MYO18A: variants seen among roughly 807,000 people sequenced by gnomAD.
MYO18A encodes the protein myosin XVIIIA.
Under a neutral mutation model 235.8 loss-of-function variants are expected in MYO18A, and 78 were observed. The ratio of observed to expected loss-of-function variants is 0.33; its 90% confidence interval spans 0.28 to 0.40. The LOEUF (loss-of-function observed/expected upper bound fraction) is 0.40. Ranked by LOEUF, MYO18A falls within the 10% of genes least tolerant of loss-of-function variation. MYO18A has a pLI of 1.00. For missense variants in MYO18A, 2,215 were observed against 2,699.3 expected (o/e 0.82, Z 3.98); for synonymous variants, 977 against 1,077.8 (o/e 0.91, Z 1.83).
chr17:29,094,180 C>G, intron 30 of MYO18A, 90 bp from the exon 31 acceptor site: 1 of 889,756 alleles, frequency 1.1e-6, no homozygotes, highest in Non-Finnish European at 1.8e-6. Flanking sequence ...GGCTCAGGGG[C>G]CGAGAACGTC....
At chr17:29,168,506 TCA>T (rs1427669979) in intron 1 of MYO18A, among the ~76,000 whole-genome samples, 2 of 151,736 alleles carry the variant, frequency 1.3e-5, no homozygotes, top group Non-Finnish European at 3.0e-5. Flanking sequence ...CCTCTGAGTT[TCA>T]CACAGAGGAT....
chr17:29,097,644 T>G, intron 26 of MYO18A, 144 bp downstream of exon 26: 1 of 740,470 alleles, frequency 1.4e-6, no homozygotes, highest in Middle Eastern at 2.8e-4. Flanking sequence ...CTGCATTTAT[T>G]GGCACCTCTG....
In MYO18A at chr17:29,140,888, C is replaced by G. The variant is rs1020052914; in HGVS notation, c.1000-18635G>C. Among the ~76,000 whole-genome samples, 1 of 152,204 alleles carries G rather than the reference C, an allele frequency of 6.6e-6. No homozygotes were observed. Among genetic ancestry groups the G allele is most frequent in the Non-Finnish European group, 1.5e-5 (1 of 68,038 alleles). ...CACCCAAATCATAGGCCTACCCTAG[C>G]CATCTAATTACTGCGGCAGAGGCCA... On this transcript the variant is annotated intron_variant, in intron 2 of 41. Transcript: ENST00000527372. This position sits in a 1 kb window ranked among gnomAD's most constrained non-coding sequence, Gnocchi z 4.2.
chr17:29,098,110 G>T lies in MYO18A; in HGVS notation c.3985C>A (p.Leu1329Met). The change falls in exon 25 of 42, where the codon CTG becomes ATG. Residue 1329 changes from leucine to methionine, a missense_variant. By Grantham distance (15) the Leu-to-Met change is conservative (BLOSUM62 2). Transcript: ENST00000527372. Reference sequence around the variant, plus strand: ...CACCCAGGCCCTGCCCTCACCTGCAGTTCCTTCATCTCCTTCTCAGCCCGG... The same window carrying T: ...CACCCAGGCCCTGCCCTCACCTGCATTTCCTTCATCTCCTTCTCAGCCCGG... ...RLRAEKEMKE[L>M]QTQYDALKKQ... 6.2e-7 allele frequency: 1 copy of T among 1,613,208 alleles called. No homozygotes were observed.
At chr17:29,084,999 T>C (rs1387850903) in intron 40 of MYO18A, among the ~76,000 whole-genome samples, 1 of 152,134 alleles carries the variant, frequency 6.6e-6, no homozygotes, top group East Asian at 1.9e-4. Flanking sequence ...CTGCCCACGG[T>C]ACCGCAGGGA....
intron 2 of MYO18A, among the ~76,000 whole-genome samples, chr17:29,149,790 G>C (rs2067930422): frequency 6.6e-6 from 1 of 152,184 alleles, no homozygotes; most frequent in South Asian, 2.1e-4. Context: ...CCAAAGCCAT[G>C]AGCCAGCCTT....
chr17:29,132,293 C>G (rs1368465969), intron 2 of MYO18A, among the ~76,000 whole-genome samples: 1 of 152,224 alleles, frequency 6.6e-6, no homozygotes, highest in Non-Finnish European at 1.5e-5. Flanking sequence ...TCTTTCAGTT[C>G]AGAAACTGGC....
chr17:29,091,930 C>A, intron 34 of MYO18A: 1 of 326,636 alleles, frequency 3.1e-6, no homozygotes, highest in Non-Finnish European at 6.0e-6. Flanking sequence ...AATTAGCTGC[C>A]GCTTGGGCTT....
intron 1 of MYO18A, among the ~76,000 whole-genome samples, chr17:29,168,920 A>T (rs747803081): frequency 6.6e-6 from 1 of 152,170 alleles, no homozygotes; most frequent in Non-Finnish European, 1.5e-5. Context: ...CTATAATCCC[A>T]GCACTTCGGG....
At chr17:29,099,115 C>T in intron 22 of MYO18A, 146 bp from the exon 23 acceptor site, 1 of 1,061,630 alleles carries the variant, frequency 9.4e-7, no homozygotes, top group Non-Finnish European at 1.4e-6. Context: ...TCATGCTCCC[C>T]CTTGCCCCAG....
Position 29,120,933 on chromosome 17 carries a change from G to T in MYO18A, c.1585+65C>A. 1 of 1,567,006 alleles carries T rather than the reference G, an allele frequency of 6.4e-7. No individual in the cohort carries two copies. The highest frequency in any genetic ancestry group is 8.7e-7 in the Non-Finnish European group (1 of 1,152,788). On this transcript the variant is annotated intron_variant, in intron 6 of 41. Coordinates refer to ENST00000527372, the MANE Select transcript of MYO18A (RefSeq NM_078471.4). This position sits in a 1 kb window ranked among gnomAD's most constrained non-coding sequence, Gnocchi z 4.2. ...GAGAAAAAGAGCTGGCACTTAAGAGGGTGCTCTCTCCTCACTCCCCTCCCC... is the reference window on the plus strand; with the variant it reads ...GAGAAAAAGAGCTGGCACTTAAGAGTGTGCTCTCTCCTCACTCCCCTCCCC...
chr17:29,081,061 G>C, intron 41 of MYO18A: 2 of 918,364 alleles, frequency 2.2e-6, no homozygotes, highest in Non-Finnish European at 2.6e-6. Context: ...GCAGCAGGGA[G>C]AGAGGGAGGT....
chr17:29,088,275 C>T (rs993662162), intron 37 of MYO18A, among the ~76,000 whole-genome samples: 11 of 151,638 alleles, frequency 7.3e-5, no homozygotes, highest in Admixed American at 4.6e-4. Flanking sequence ...AGGATGGTCT[C>T]GATCTCCTGA....
At chr17:29,092,611 G>A (rs755957723) in intron 33 of MYO18A, among the ~76,000 whole-genome samples, 155 bp from the exon 34 acceptor site, 3 of 152,124 alleles carry the variant, frequency 2.0e-5, no homozygotes, top group Admixed American at 1.3e-4. Flanking sequence ...GCACGCGTGG[G>A]GATCTCCTCC....
rs781040558 is a variant in MYO18A at position 29,074,955 on chromosome 17, C to G, written c.6021-41G>C. The G allele has an allele frequency of 4.3e-6, 7 of 1,609,826 alleles. No homozygotes were observed. The South Asian group carries it at 7.7e-5, about 18-fold the overall frequency. On this transcript the variant is annotated intron_variant, in intron 41 of 41. Transcript: ENST00000527372. The surrounding 1 kb of genome is among the most constrained non-coding windows in gnomAD (Gnocchi z 4.4). ...AATAAGGTTAGGGACAAATGACACT[C>G]CTACCATTAAGCACGCACGCCTTTG...
Position 29,140,339 on chromosome 17 carries a change from C to G in MYO18A, c.1000-18086G>C, listed in dbSNP as rs2067706652. 7.9e-7 allele frequency: 1 copy of G among 1,270,764 alleles called. No homozygotes were observed. Among genetic ancestry groups the G allele is most frequent in the South Asian group, 1.3e-5 (1 of 78,786 alleles). The allele number at this position is 1,270,764 out of a possible 1,614,324, so 78.7% of individuals were successfully genotyped here. ...GGGTGGGGGGTCAGAGGGACACTCA[C>G]CCGCATGGCCTGGCCTGGAGCAGCC... On this transcript the variant is annotated intron_variant, in intron 2 of 41. Coordinates refer to ENST00000527372, the MANE Select transcript of MYO18A (RefSeq NM_078471.4). The surrounding 1 kb of genome is among the most constrained non-coding windows in gnomAD (Gnocchi z 4.2).
Position 29,159,120 on chromosome 17 carries a change from C to T in MYO18A, c.999+6822G>A, listed in dbSNP as rs550826153. 7.9e-5 allele frequency among the ~76,000 whole-genome samples: 12 copies of T among 152,220 alleles called. No individual in the cohort carries two copies. In the South Asian group the frequency reaches 1.7e-3, roughly 21 times the overall value. ...CCACCACCCACAGGCTGGATGGCCA[C>T]GGTACTCCAGGGCTGCAATTCATCG... On this transcript the variant is annotated intron_variant, in intron 2 of 41. Transcript: ENST00000527372.
chr17:29,174,794 G>A (rs576523615), intron 1 of MYO18A, among the ~76,000 whole-genome samples: 10 of 152,126 alleles, frequency 6.6e-5, no homozygotes, highest in Admixed American at 3.9e-4. Flanking sequence ...CAGCCTGCGC[G>A]AAAGGGCGAG....
chr17:29,140,355 T>C lies in MYO18A; in HGVS notation c.1000-18102A>G, dbSNP rs1360990955. Reference sequence around the variant, plus strand: ...GGACACTCACCCGCATGGCCTGGCCTGGAGCAGCCCAGAGCAAGGAGACTC... The same window carrying C: ...GGACACTCACCCGCATGGCCTGGCCCGGAGCAGCCCAGAGCAAGGAGACTC... On this transcript the variant is annotated intron_variant, in intron 2 of 41. Transcript: ENST00000527372. This position sits in a 1 kb window ranked among gnomAD's most constrained non-coding sequence, Gnocchi z 4.2. 4.7e-6 allele frequency: 6 copies of C among 1,281,530 alleles called. No individual in the cohort carries two copies. The highest frequency in any genetic ancestry group is 6.1e-6 in the Non-Finnish European group (6 of 985,256). 79.4% of individuals were successfully genotyped at this position (1,281,530 alleles called of 1,614,324 possible).
Sources: allele counts gnomAD v4.1 joint callset (sites outside exome capture counted in the v4.1 genomes callset), GRCh38; gene constraint gnomAD v4.1.1; non-coding constraint Gnocchi (gnomAD v3.1); transcripts MANE v1.5; gene names NCBI Gene and HGNC (gene_info 2026-07-23, HGNC 2026-07-21).